Variants in LRIG1 observed in about 807,000 individuals in gnomAD.
LRIG1 encodes leucine-rich repeats and immunoglobulin-like domains protein 1.
LRIG1 carries 48 observed loss-of-function variants against 99.2 expected under a neutral mutation model. That is an observed-to-expected ratio of 0.48 (90% CI 0.38 to 0.62). The LOEUF (loss-of-function observed/expected upper bound fraction) is 0.62, where lower values mean the gene tolerates loss of function less well. Ranked by LOEUF, LRIG1 falls within the 20% of genes least tolerant of loss-of-function variation. LRIG1 has a pLI of 0.00. For missense variants in LRIG1, 1,646 were observed against 1,434.4 expected, an observed-to-expected ratio of 1.15 and a Z score of -2.38; for synonymous variants, 772 against 596.1, an observed-to-expected ratio of 1.29 and a Z score of -4.30.
intron 3 of LRIG1, among the ~76,000 whole-genome samples, chr3:66,437,116 G>T (rs1703386187): frequency 6.6e-6 from 1 of 152,198 alleles, no homozygotes; most frequent in South Asian, 2.1e-4. Flanking sequence ...TTCCGTCTCT[G>T]CAGTGGGGAA....
chr3:66,384,317 T>G (rs371155107), intron 13 of LRIG1, 45 bp from the exon 14 acceptor site: 13 of 1,575,616 alleles, frequency 8.3e-6, no homozygotes, highest in Non-Finnish European at 1.1e-5. Flanking sequence ...GACAGCTAGA[T>G]GCAAAACCAG....
rs772011643 is a variant in LRIG1 at position 66,500,413 on chromosome 3, C to T, written c.-6G>A. ...CCCCGGACCGGCCGCGCCATCTTGT[C>T]TGGAGCGCGCTGCGAACTCCGGGCG... On this transcript the variant is annotated 5_prime_UTR_variant, in exon 1 of 19. Coordinates refer to ENST00000273261, the MANE Select transcript of LRIG1 (RefSeq NM_015541.3). The T allele has an allele frequency of 1.5e-6, 2 of 1,378,612 alleles. No individual in the cohort carries two copies. Among genetic ancestry groups the T allele is most frequent in the African/African-American group, 1.5e-5 (1 of 66,738 alleles). 85.4% of individuals were successfully genotyped at this position (1,378,612 alleles called of 1,614,324 possible).
chr3:66,500,161 G>A (rs757958635), intron 1 of LRIG1, 29 bp downstream of exon 1: 7 of 1,492,630 alleles, frequency 4.7e-6, no homozygotes, highest in East Asian at 2.7e-5. Flanking sequence ...GCCCCGGGGC[G>A]CAGAGAGGGC....
intron 6 of LRIG1, among the ~76,000 whole-genome samples, chr3:66,412,299 C>T (rs1363566247): frequency 1.3e-5 from 2 of 152,236 alleles, no homozygotes; most frequent in Non-Finnish European, 2.9e-5. Context: ...AGAGAAGGAA[C>T]TTCCTGTGGT....
intron 15 of LRIG1, among the ~76,000 whole-genome samples, chr3:66,382,727 G>T (rs1199414085): frequency 6.6e-6 from 1 of 152,254 alleles, no homozygotes. Flanking sequence ...CGGCCTCTGA[G>T]TTAGCAAGGA....
chr3:66,382,657 C>G (rs900234896), intron 15 of LRIG1, among the ~76,000 whole-genome samples: 1 of 152,194 alleles, frequency 6.6e-6, no homozygotes, highest in African/African-American at 2.4e-5. Flanking sequence ...CCGGGGCTCA[C>G]AGAAGTACCG....
chr3:66,388,100 C>CT (rs1283658396), intron 12 of LRIG1: 3 of 74,600 alleles, frequency 4.0e-5, no homozygotes, highest in Non-Finnish European at 4.5e-5. Flanking sequence ...GAGCAAGACT[C>CT]TGTCTCAAAA....
chr3:66,397,107 G>A (rs1701878726), intron 11 of LRIG1, among the ~76,000 whole-genome samples: 1 of 152,218 alleles, frequency 6.6e-6, no homozygotes, highest in African/African-American at 2.4e-5. Flanking sequence ...ACCCTTGCAA[G>A]GACGGTATCT....
chr3:66,400,439 G>C (rs1367907716), intron 9 of LRIG1, among the ~76,000 whole-genome samples: 2 of 152,194 alleles, frequency 1.3e-5, no homozygotes, highest in African/African-American at 4.8e-5. Flanking sequence ...TCAATCTTAA[G>C]GTACACCAGG....
chr3:66,417,110 G>A lies in LRIG1; in HGVS notation c.503+19C>T. 1 of 1,612,442 alleles carries A rather than the reference G, an allele frequency of 6.2e-7. No individual in the cohort carries two copies. Among genetic ancestry groups the A allele is most frequent in the Admixed American group, 1.7e-5 (1 of 60,000 alleles). On this transcript the variant is annotated intron_variant, in intron 4 of 18. Transcript: ENST00000273261. ...GGACACAGCGGGCCAGCCACAGGTG[G>A]CAGAACAGAGGCACTTACAGCTCCT...
chr3:66,420,169 A>G (rs983321389), intron 3 of LRIG1, among the ~76,000 whole-genome samples: 3 of 152,262 alleles, frequency 2.0e-5, no homozygotes, highest in African/African-American at 4.8e-5. Flanking sequence ...AAAACACACA[A>G]ATGGCCAAGA....
chr3:66,391,079 A>G (rs1701597721), intron 12 of LRIG1, among the ~76,000 whole-genome samples: 1 of 152,212 alleles, frequency 6.6e-6, no homozygotes, highest in African/African-American at 2.4e-5. Context: ...ATCATTAATC[A>G]TTAGGGAAGT....
At position 66,410,221 on chromosome 3, in the gene LRIG1, G is replaced by T. The variant is rs755145102; in HGVS notation, c.843C>A (p.Gly281=). The T allele has an allele frequency of 1.9e-6, 3 of 1,614,062 alleles. No individual in the cohort carries two copies. The highest frequency in any genetic ancestry group is 1.7e-4 in the Middle Eastern group (1 of 6,056). Residue 281 remains glycine, a synonymous_variant, in exon 7 of 19, where the codon GGC becomes GGA. Transcript: ENST00000273261. ...LVEVNSGSLY[G]LTALHQLHLS... ...GGTGGAGCTGATGCAGGGCCGTGAG[G>T]CCGTAGAGCGAGCCGCTGTTCACTT...
rs983742729 is a variant in LRIG1, at chr3:66,398,172, C to T, written c.1244G>A (p.Gly415Glu). ...LEGLEHLNLGGNAIRSVQFDA... is the reference protein window; with the variant it reads ...LEGLEHLNLGENAIRSVQFDA... ...AAACTGGACAGATCTGATCGCATTC[C>T]CTCCAAGGTTCCTGAAACAGAACAT... The change falls in exon 11 of 19, where the codon GGG becomes GAG. Residue 415 changes from glycine to glutamate, a missense_variant. Coordinates refer to ENST00000273261, the MANE Select transcript of LRIG1 (RefSeq NM_015541.3). 9.3e-6 allele frequency: 15 copies of T among 1,613,658 alleles called. No homozygotes were observed. The highest frequency in any genetic ancestry group is 1.3e-5 in the Non-Finnish European group (15 of 1,179,702).
intron 1 of LRIG1, chr3:66,469,241 C>T (rs760222023): frequency 4.6e-5 from 7 of 152,174 alleles, no homozygotes; most frequent in Non-Finnish European, 1.0e-4. Flanking sequence ...AAAAAAATCA[C>T]TCAGATCTCA....
chr3:66,500,474 GGCGGGCCC>G lies in LRIG1; in HGVS notation c.-75_-68del, dbSNP rs973165288. 41 of 995,636 alleles carry G rather than the reference GGCGGGCCC, an allele frequency of 4.1e-5. No homozygotes were observed. The highest frequency in any genetic ancestry group is 4.8e-5 in the Non-Finnish European group (36 of 749,910). 61.7% of individuals were successfully genotyped at this position (995,636 alleles called of 1,614,324 possible). On this transcript the variant is annotated 5_prime_UTR_variant, in exon 1 of 19. Coordinates refer to ENST00000273261, the MANE Select transcript of LRIG1 (RefSeq NM_015541.3). ...GAGGACCCGAACGGCCGCAGACGCGGGCGGGCCCGCGGGGCGCTCCGCTCGGCTCTAGA... is the reference window on the plus strand; with the variant it reads ...GAGGACCCGAACGGCCGCAGACGCGGGCGGGGCGCTCCGCTCGGCTCTAGA...
At chr3:66,493,874 G>A (rs1242235579) in intron 1 of LRIG1, among the ~76,000 whole-genome samples, 3 of 133,830 alleles carry the variant, frequency 2.2e-5, no homozygotes, top group Non-Finnish European at 3.2e-5. Flanking sequence ...GAAGAAAGAC[G>A]AAGGGAGGGA....
chr3:66,460,649 T>C (rs1398584295), intron 2 of LRIG1, among the ~76,000 whole-genome samples: 1 of 152,220 alleles, frequency 6.6e-6, no homozygotes, highest in African/African-American at 2.4e-5. Context: ...ATCTTGGACT[T>C]CCTGCTTCCA....
Position 66,380,784 on chromosome 3 carries a change from G to A in LRIG1, c.2848C>T (p.Gln950Ter), listed in dbSNP as rs1559762074. Residue 950 changes from glutamine to a stop codon, truncating the protein, a stop_gained, in exon 18 of 19, where the codon CAG becomes TAG. Coordinates refer to ENST00000273261, the MANE Select transcript of LRIG1 (RefSeq NM_015541.3). LOFTEE classifies it high-confidence loss of function. ...CYSRGQAFHPQPVSRDSAQPS... is the reference protein window; with the variant it reads ...CYSRGQAFHP ...TGTGCGCTGTCTCTGGACACAGGCT[G>A]GGGGTGGAAGGCTTGTCCCCTGGAG... is the stretch of plus-strand genomic sequence containing the variant. The A allele has an allele frequency of 1.9e-6, 3 of 1,614,064 alleles. No individual in the cohort carries two copies. The highest frequency in any genetic ancestry group is 2.5e-6 in the Non-Finnish European group (3 of 1,180,038).
Sources: allele counts gnomAD v4.1 joint callset (sites outside exome capture counted in the v4.1 genomes callset), GRCh38; gene constraint gnomAD v4.1.1; transcripts MANE v1.5; gene names NCBI Gene and HGNC (gene_info 2026-07-23, HGNC 2026-07-21).